The following ANKRD17 variants were observed in gnomAD, a reference collection of about 807,000 sequenced individuals.
The protein encoded by ANKRD17 is ankyrin repeat domain-containing protein 17.
Under a neutral mutation model 229.7 loss-of-function variants are expected in ANKRD17, and 19 were observed. That is an observed-to-expected ratio of 0.08 (90% CI 0.06 to 0.12). The LOEUF (loss-of-function observed/expected upper bound fraction) is 0.12, where lower values mean the gene tolerates loss of function less well. ANKRD17 is among the 10% of genes least tolerant of loss of function. The probability of loss-of-function intolerance (pLI) is 1.00; values close to 1 mark genes in which losing one functional copy is unlikely to be tolerated. For synonymous variants in ANKRD17, 1,112 were observed against 1,146.1 expected (o/e 0.97, Z 0.60); for missense variants, 2,176 against 3,176.8 (o/e 0.68, Z 7.57).
In ANKRD17 at chr4:73,125,630, G is replaced by A. The variant is rs529611876; in HGVS notation, c.3235-318C>T. On this transcript the variant is annotated intron_variant, in intron 16 of 33. Coordinates refer to ENST00000358602, the MANE Select transcript of ANKRD17 (RefSeq NM_032217.5). ...TGCCTGTAGTCCCAGCTTCTTCGGAGGCTGAGGCAGAAGAATCGCTTGAAC... is the reference window on the plus strand; with the variant it reads ...TGCCTGTAGTCCCAGCTTCTTCGGAAGCTGAGGCAGAAGAATCGCTTGAAC... 9.3e-4 allele frequency among the ~76,000 whole-genome samples: 141 copies of A among 151,772 alleles called. 1 individual carries two copies. Among genetic ancestry groups the A allele is most frequent in the Admixed American group, 7.2e-3 (110 of 15,248 alleles).
rs755492243 is a variant in ANKRD17, at chr4:73,258,270, C to G, written c.393+6G>C. 2.5e-6 allele frequency: 4 copies of G among 1,613,786 alleles called. No homozygotes were observed. The highest frequency in any genetic ancestry group is 3.4e-6 in the Non-Finnish European group (4 of 1,180,014). ...CTCCCTCCTTCCTTTGAAACCAGGC[C>G]CTTGCCTCAGAAACCTCCTCTTCCT... is the stretch of plus-strand genomic sequence containing the variant. On this transcript the variant is annotated splice_donor_region_variant and intron_variant, in intron 1 of 33. Transcript: ENST00000358602.
intron 24 of ANKRD17, chr4:73,112,989 T>C (rs1405611451): frequency 2.9e-6 from 2 of 680,794 alleles, no homozygotes; most frequent in Admixed American, 5.1e-5. Flanking sequence ...TGTTTTGCCA[T>C]GTTGGCCAGG....
intron 25 of ANKRD17, among the ~76,000 whole-genome samples, chr4:73,101,835 A>G (rs992609429): frequency 6.6e-6 from 1 of 152,150 alleles, no homozygotes; most frequent in African/African-American, 2.4e-5. Context: ...GTATTCAGGT[A>G]TTCATTTTAT....
chr4:73,174,553 A>G (rs1174483175), intron 2 of ANKRD17, among the ~76,000 whole-genome samples: 1 of 152,220 alleles, frequency 6.6e-6, no homozygotes, highest in Non-Finnish European at 1.5e-5. Context: ...CACTATTTCT[A>G]TTCAACACAG....
At chr4:73,158,898 C>T (rs960075056) in intron 3 of ANKRD17, among the ~76,000 whole-genome samples, 5 of 152,244 alleles carry the variant, frequency 3.3e-5, no homozygotes, top group Non-Finnish European at 7.3e-5. Flanking sequence ...TCACCAGATG[C>T]AGCCCCTTGA....
At position 73,129,072 on chromosome 4, in the gene ANKRD17, T is replaced by A. The variant is rs1286438909; in HGVS notation, c.3235-3760A>T. 2.0e-5 allele frequency among the ~76,000 whole-genome samples: 3 copies of A among 152,298 alleles called. No homozygotes were observed. In the East Asian group the frequency reaches 5.8e-4, roughly 29 times the overall value. ...ATTAGTCAAGAAGTTATATTCCTTG[T>A]CACAGATCTAAGAGAAAGTCCCGAA... On this transcript the variant is annotated intron_variant, in intron 16 of 33. Transcript: ENST00000358602.
Position 73,258,579 on chromosome 4 carries a change from GGGGGGGCCCGCCACAGCCGCCACCGCC to G in ANKRD17, c.63_89del (p.Val23_Ala31del), listed in dbSNP as rs1560799930. Reference sequence around the variant, plus strand: ...CGCCGCCGCCGACCTCCGCCGCCGCGGGGGGGCCCGCCACAGCCGCCACCGCCGGGGGGCTCCCTTCTCCTTCTGCAG... The same window carrying G: ...CGCCGCCGCCGACCTCCGCCGCCGCGGGGGGGCTCCCTTCTCCTTCTGCAG... On this transcript the variant is annotated inframe_deletion, in exon 1 of 34. Transcript: ENST00000358602. The G allele has an allele frequency of 1.3e-5, 19 of 1,461,070 alleles. No homozygotes were observed. Among genetic ancestry groups the G allele is most frequent in the Non-Finnish European group, 1.4e-5 (16 of 1,118,214 alleles). The allele number at this position is 1,461,070 out of a possible 1,614,324, so 90.5% of individuals were successfully genotyped here. A position where few individuals can be genotyped will look rare whatever the true frequency, so the allele number is the denominator to read the frequency against.
intron 6 of ANKRD17, among the ~76,000 whole-genome samples, chr4:73,152,653 A>C (rs1253934282): frequency 2.6e-5 from 4 of 152,122 alleles, no homozygotes; most frequent in Admixed American, 2.6e-4. Context: ...GAGTAGTTAC[A>C]AGCAGCCCCA....
chr4:73,197,416 T>TA (rs923994875), intron 1 of ANKRD17, among the ~76,000 whole-genome samples: 2 of 152,174 alleles, frequency 1.3e-5, no homozygotes, highest in Admixed American at 6.5e-5. Context: ...ACTCAATACT[T>TA]ACGCAACTCT....
rs201510228 is a variant in ANKRD17 at position 73,144,719 on chromosome 4, A to G, written c.1957+26T>C. ...GGCAGGGGTAGATACCTTTCAAAAA[A>G]AGACAACTGTTTTATACAAACCTAC... is the stretch of plus-strand genomic sequence containing the variant. On this transcript the variant is annotated intron_variant, in intron 11 of 33. Transcript: ENST00000358602. 4.8e-5 allele frequency: 72 copies of G among 1,493,036 alleles called. No homozygotes were observed. In the East Asian group the frequency reaches 1.3e-3, roughly 27 times the overall value. The allele number at this position is 1,493,036 out of a possible 1,614,324, so 92.5% of individuals were successfully genotyped here. A position where few individuals can be genotyped will look rare whatever the true frequency, so the allele number is the denominator to read the frequency against.
intron 30 of ANKRD17, among the ~76,000 whole-genome samples, chr4:73,082,256 G>C (rs1422089146): frequency 6.6e-6 from 1 of 151,830 alleles, no homozygotes; most frequent in Non-Finnish European, 1.5e-5. Context: ...GATCTCTGGA[G>C]ATCAGGAGTT....
intron 16 of ANKRD17, among the ~76,000 whole-genome samples, chr4:73,132,580 T>C (rs145373023): frequency 9.2e-5 from 14 of 152,260 alleles, no homozygotes; most frequent in African/African-American, 2.9e-4. Context: ...ACCCAACAAA[T>C]GACAAATCTT....
chr4:73,121,242 A>T, intron 19 of ANKRD17, 148 bp from the exon 20 acceptor site: 2 of 725,074 alleles, frequency 2.8e-6, no homozygotes, highest in Non-Finnish European at 4.6e-6. Context: ...AGTCTCTGAG[A>T]TACTACCAAG....
chr4:73,153,759 C>T (rs1416681077), intron 6 of ANKRD17, 121 bp downstream of exon 6: 2 of 639,104 alleles, frequency 3.1e-6, no homozygotes, highest in East Asian at 3.3e-5. Flanking sequence ...ACTTATTTAA[C>T]CTTTAATTAC....
intron 1 of ANKRD17, among the ~76,000 whole-genome samples, chr4:73,211,164 C>T (rs1553937877): frequency 1.3e-5 from 2 of 151,890 alleles, no homozygotes; most frequent in Non-Finnish European, 2.9e-5. Flanking sequence ...TATATGGTCT[C>T]ACATTACTTT....
At chr4:73,233,113 TC>T (rs1373903015) in intron 1 of ANKRD17, among the ~76,000 whole-genome samples, 2 of 152,270 alleles carry the variant, frequency 1.3e-5, no homozygotes, top group East Asian at 3.9e-4. Flanking sequence ...GAACCATAAG[TC>T]TTGTTACCCT....
At chr4:73,248,085 T>C (rs1361309523) in intron 1 of ANKRD17, among the ~76,000 whole-genome samples, 1 of 152,020 alleles carries the variant, frequency 6.6e-6, no homozygotes, top group African/African-American at 2.4e-5. Context: ...TTAACATATC[T>C]CCACCTGCAT....
At chr4:73,126,902 A>T (rs1360601602) in intron 16 of ANKRD17, among the ~76,000 whole-genome samples, 1 of 151,956 alleles carries the variant, frequency 6.6e-6, no homozygotes, top group Non-Finnish European at 1.5e-5. Flanking sequence ...CCAGCTAGAT[A>T]CCTTTTAGTA....
intron 1 of ANKRD17, among the ~76,000 whole-genome samples, chr4:73,246,215 C>T (rs151260459): frequency 9.1e-4 from 138 of 152,258 alleles, no homozygotes; most frequent in Non-Finnish European, 1.4e-3. Context: ...CACAACTCCT[C>T]CCCCGAAGGA....
Sources: allele counts gnomAD v4.1 joint callset (sites outside exome capture counted in the v4.1 genomes callset), GRCh38; gene constraint gnomAD v4.1.1; transcripts MANE v1.5; gene names NCBI Gene and HGNC (gene_info 2026-07-23, HGNC 2026-07-21).